SOX5: variants seen among roughly 807,000 people sequenced by gnomAD.
SOX5 encodes transcription factor SOX-5.
Under a neutral mutation model 92.0 loss-of-function variants are expected in SOX5, and 9 were observed. The observed-to-expected ratio is 0.10, with a 90% CI of 0.06 to 0.17. SOX5 has a LOEUF of 0.17. Ranked by LOEUF, SOX5 falls within the 10% of genes least tolerant of loss-of-function variation. The probability of loss-of-function intolerance (pLI) is 1.00; values close to 1 mark genes in which losing one functional copy is unlikely to be tolerated. For missense variants in SOX5, 642 were observed against 944.5 expected (o/e 0.68, Z 4.20); for synonymous variants, 344 against 336.3 (o/e 1.02, Z -0.25).
intron 1 of SOX5, among the ~76,000 whole-genome samples, chr12:24,548,250 A>G (rs1952834517): frequency 2.0e-5 from 3 of 152,264 alleles, no homozygotes; most frequent in Admixed American, 2.0e-4. Context: ...CTCAGGAGAT[A>G]AGACATGCTC....
At chr12:24,400,941 T>C (rs1417128508) in intron 1 of SOX5, among the ~76,000 whole-genome samples, 3 of 152,166 alleles carry the variant, frequency 2.0e-5, no homozygotes, top group Admixed American at 6.5e-5. Flanking sequence ...TCCTTTGAAA[T>C]AGAAATGGAG....
At chr12:24,125,066 T>C (rs1309454694) in intron 4 of SOX5, among the ~76,000 whole-genome samples, 3 of 152,196 alleles carry the variant, frequency 2.0e-5, no homozygotes, top group Non-Finnish European at 2.9e-5. Context: ...ACATCAAAAT[T>C]AGACTGGCTT....
At chr12:23,842,940 G>A (rs188306536) in intron 3 of SOX5, among the ~76,000 whole-genome samples, 205 of 152,204 alleles carry the variant, frequency 1.3e-3, no homozygotes, top group African/African-American at 4.7e-3. Context: ...CAAGTTTATC[G>A]TGGAGAAACT....
At chr12:23,539,755 A>G (rs1347297404) in intron 13 of SOX5, among the ~76,000 whole-genome samples, 1 of 152,212 alleles carries the variant, frequency 6.6e-6, no homozygotes, top group African/African-American at 2.4e-5. Context: ...AATTTCTTTG[A>G]GAGTATCACT....
chr12:24,254,815 G>T (rs1940867852), intron 3 of SOX5, among the ~76,000 whole-genome samples: 1 of 151,342 alleles, frequency 6.6e-6, no homozygotes, highest in South Asian at 2.1e-4. Flanking sequence ...TTTCTCATTT[G>T]GGCTTTAATT....
At chr12:23,579,946 T>C (rs1949807252) in intron 9 of SOX5, among the ~76,000 whole-genome samples, 1 of 152,086 alleles carries the variant, frequency 6.6e-6, no homozygotes, top group Admixed American at 6.6e-5. Context: ...CTTTTGAAAA[T>C]AACATATTTC....
intron 2 of SOX5, among the ~76,000 whole-genome samples, chr12:23,852,496 C>T (rs2096644005): frequency 6.6e-6 from 1 of 151,630 alleles, no homozygotes; most frequent in African/African-American, 2.4e-5. Flanking sequence ...TTTTTCAAAG[C>T]CTAAAAATAT....
chr12:23,850,300 G>C (rs145842717), intron 2 of SOX5, among the ~76,000 whole-genome samples: 1 of 151,428 alleles, frequency 6.6e-6, no homozygotes, highest in Non-Finnish European at 1.5e-5. Flanking sequence ...GTGGTGGCGC[G>C]CACCTGTAAT....
chr12:23,784,591 G>T (rs1473908491), intron 3 of SOX5, among the ~76,000 whole-genome samples: 1 of 152,188 alleles, frequency 6.6e-6, no homozygotes, highest in Non-Finnish European at 1.5e-5. Flanking sequence ...CTCCCAAAGT[G>T]CTGGGATTAG....
intron 2 of SOX5, among the ~76,000 whole-genome samples, chr12:24,321,807 T>G (rs1354995143): frequency 2.6e-5 from 4 of 152,196 alleles, no homozygotes; most frequent in African/African-American, 9.6e-5. Context: ...AACTTAGTAT[T>G]AAAACAGAAA....
At chr12:23,888,501 A>T (rs971090874) in intron 2 of SOX5, among the ~76,000 whole-genome samples, 1 of 152,128 alleles carries the variant, frequency 6.6e-6, no homozygotes, top group African/African-American at 2.4e-5. Context: ...AATACTGTGG[A>T]CATCATATGA....
At chr12:23,557,425 T>A (rs1165806180) in intron 11 of SOX5, among the ~76,000 whole-genome samples, 2 of 152,222 alleles carry the variant, frequency 1.3e-5, no homozygotes, top group East Asian at 3.8e-4. Flanking sequence ...TATGTTTATA[T>A]TCCAGGTACA....
chr12:24,147,515 A>T (rs2138766618), intron 4 of SOX5, among the ~76,000 whole-genome samples: 1 of 152,322 alleles, frequency 6.6e-6, no homozygotes, highest in South Asian at 2.1e-4. Context: ...AAGATCAGGA[A>T]CAAGACAAGA....
chr12:24,061,304 A>G (rs1939651272), intron 4 of SOX5, among the ~76,000 whole-genome samples: 2 of 152,142 alleles, frequency 1.3e-5, no homozygotes, highest in Admixed American at 6.5e-5. Context: ...GGACACCAAA[A>G]GTCAGCCTCC....
At chr12:24,392,345 A>C (rs1959077741) in intron 1 of SOX5, among the ~76,000 whole-genome samples, 2 of 152,084 alleles carry the variant, frequency 1.3e-5, no homozygotes, top group Admixed American at 1.3e-4. Context: ...TAAGATTAAA[A>C]TCCAAGTGAT....
At chr12:24,309,385 C>A (rs144053776) in intron 2 of SOX5, among the ~76,000 whole-genome samples, 4 of 152,044 alleles carry the variant, frequency 2.6e-5, no homozygotes, top group Non-Finnish European at 5.9e-5. Context: ...ACACTTTTCA[C>A]GAAAAATGCT....
chr12:24,283,657 G>A (rs1248789903), intron 2 of SOX5, among the ~76,000 whole-genome samples: 1 of 152,160 alleles, frequency 6.6e-6, no homozygotes, highest in Non-Finnish European at 1.5e-5. Context: ...ACACGATAGC[G>A]ATATCTTACA....
At chr12:24,427,304 G>T (rs1966847564) in intron 1 of SOX5, among the ~76,000 whole-genome samples, 1 of 152,186 alleles carries the variant, frequency 6.6e-6, no homozygotes, top group African/African-American at 2.4e-5. Flanking sequence ...GTACCTCACA[G>T]ACAGTAAGTG....
intron 4 of SOX5, among the ~76,000 whole-genome samples, chr12:24,202,083 T>C (rs1957572041): frequency 6.6e-6 from 1 of 152,222 alleles, no homozygotes; most frequent in Admixed American, 6.5e-5. Flanking sequence ...TGCTAGATCA[T>C]TATTTCTATG....
Sources: allele counts gnomAD v4.1 joint callset (sites outside exome capture counted in the v4.1 genomes callset), GRCh38; gene constraint gnomAD v4.1.1; transcripts MANE v1.5; gene names NCBI Gene and HGNC (gene_info 2026-07-23, HGNC 2026-07-21).